VAMP4: variants seen among roughly 807,000 people sequenced by gnomAD.
VAMP4 encodes vesicle-associated membrane protein 4.
In VAMP4, 19 loss-of-function variants were observed where a neutral mutation model predicts 23.5. The ratio of observed to expected loss-of-function variants is 0.81; its 90% confidence interval spans 0.56 to 1.19. The LOEUF (loss-of-function observed/expected upper bound fraction) is 1.19, where lower values mean the gene tolerates loss of function less well. VAMP4 is among the 50% of genes most tolerant of loss of function. The pLI is 0.00. For synonymous variants in VAMP4, 31 were observed against 51.0 expected, an observed-to-expected ratio of 0.61 and a Z score of 1.67; for missense variants, 145 against 168.6, an observed-to-expected ratio of 0.86 and a Z score of 0.78.
In VAMP4 at chr1:171,700,870, T is replaced by C. The variant is rs1654406618; in HGVS notation, c.*3636A>G. ...TTATCCCCTGTAATTGGGTTGGTCATGCTTTCTTTTCAATTCCTACTGATT... is the reference window on the plus strand; with the variant it reads ...TTATCCCCTGTAATTGGGTTGGTCACGCTTTCTTTTCAATTCCTACTGATT... On this transcript the variant is annotated 3_prime_UTR_variant, in exon 8 of 8. Coordinates refer to ENST00000236192, the MANE Select transcript of VAMP4 (RefSeq NM_003762.5). 1 of 152,186 alleles carries C rather than the reference T, an allele frequency of 6.6e-6. No individual in the cohort carries two copies. The highest frequency in any genetic ancestry group is 6.5e-5 in the Admixed American group (1 of 15,272). 9.4% of individuals were successfully genotyped at this position (152,186 alleles called of 1,614,324 possible).
chr1:171,738,819 C>T (rs1655826627), intron 1 of VAMP4, among the ~76,000 whole-genome samples: 1 of 152,074 alleles, frequency 6.6e-6, no homozygotes, highest in Admixed American at 6.6e-5. Context: ...GAGAACATGC[C>T]TATTTCTCTC....
intron 2 of VAMP4, among the ~76,000 whole-genome samples, chr1:171,733,361 A>C (rs1044707141): frequency 4.0e-5 from 6 of 151,344 alleles, no homozygotes; most frequent in African/African-American, 1.5e-4. Flanking sequence ...AGCTACTCTG[A>C]AGGCTACTTG....
chr1:171,715,994 C>G (rs563692281), intron 4 of VAMP4, among the ~76,000 whole-genome samples: 1 of 152,230 alleles, frequency 6.6e-6, no homozygotes, highest in Admixed American at 6.5e-5. Flanking sequence ...GAGCAAAACC[C>G]TGTTTCAAAA....
rs926385962 is a variant in VAMP4 at position 171,728,479 on chromosome 1, T to C, written c.113+45A>G. 24 of 1,445,528 alleles carry C rather than the reference T, an allele frequency of 1.7e-5. No homozygotes were observed. In the East Asian group the frequency reaches 3.2e-4, roughly 19 times the overall value. 89.5% of individuals were successfully genotyped at this position (1,445,528 alleles called of 1,614,324 possible). On this transcript the variant is annotated intron_variant, in intron 3 of 7. Coordinates refer to ENST00000236192, the MANE Select transcript of VAMP4 (RefSeq NM_003762.5). ...AGTATATTTTAGATATATGCATGTA[T>C]TGTATGTCAATTACACCCTAATAAA... is the stretch of plus-strand genomic sequence containing the variant.
At chr1:171,726,868 G>C (rs1426096939) in intron 3 of VAMP4, among the ~76,000 whole-genome samples, 2 of 151,914 alleles carry the variant, frequency 1.3e-5, no homozygotes, top group Non-Finnish European at 2.9e-5. Context: ...AAAATGAAAG[G>C]GTTAAGTTAT....
At chr1:171,718,505 A>G (rs1655091244) in intron 4 of VAMP4, among the ~76,000 whole-genome samples, 1 of 152,176 alleles carries the variant, frequency 6.6e-6, no homozygotes, top group African/African-American at 2.4e-5. Context: ...GATATCAGAC[A>G]CATTGATTAC....
chr1:171,716,210 A>C (rs992987679), intron 4 of VAMP4, among the ~76,000 whole-genome samples: 3 of 152,150 alleles, frequency 2.0e-5, no homozygotes, highest in Non-Finnish European at 4.4e-5. Context: ...GGTCTGACCA[A>C]GACTATAATT....
chr1:171,737,354 C>A (rs1417299153), intron 2 of VAMP4, among the ~76,000 whole-genome samples: 3 of 152,086 alleles, frequency 2.0e-5, no homozygotes, highest in Non-Finnish European at 4.4e-5. Flanking sequence ...GTATTGAGTA[C>A]TTATTCTAAA....
At chr1:171,717,823 A>G (rs1238670113) in intron 4 of VAMP4, among the ~76,000 whole-genome samples, 1 of 152,148 alleles carries the variant, frequency 6.6e-6, no homozygotes, top group South Asian at 2.1e-4. Context: ...CTTTTACTAT[A>G]TAAGTAATAA....
rs1654503889 is a variant in VAMP4, at chr1:171,703,131, C to A, written c.*1375G>T. The A allele has an allele frequency of 6.6e-6, 1 of 151,340 alleles. No homozygotes were observed. Among genetic ancestry groups the A allele is most frequent in the Non-Finnish European group, 1.5e-5 (1 of 67,716 alleles). The allele number at this position is 151,340 out of a possible 1,614,324, so 9.4% of individuals were successfully genotyped here. ...TTTAAATACTGATAATTTCTATTAA[C>A]CCTATTTTTAATTTAGGGAGTTTTA... On this transcript the variant is annotated 3_prime_UTR_variant, in exon 8 of 8. Coordinates refer to ENST00000236192, the MANE Select transcript of VAMP4 (RefSeq NM_003762.5).
At chr1:171,728,672 C>T (rs1194345781) in intron 2 of VAMP4, 102 bp from the exon 3 acceptor site, 26 of 1,112,780 alleles carry the variant, frequency 2.3e-5, no homozygotes, top group South Asian at 3.7e-5. Flanking sequence ...AATTTCTTAA[C>T]TCCAGGTGTC....
chr1:171,719,674 T>A (rs1454523712), intron 3 of VAMP4, among the ~76,000 whole-genome samples: 1 of 152,062 alleles, frequency 6.6e-6, no homozygotes, highest in Non-Finnish European at 1.5e-5. Context: ...TTGACAAAGA[T>A]GGATATAGAG....
intron 2 of VAMP4, among the ~76,000 whole-genome samples, chr1:171,732,277 T>C (rs773240542): frequency 2.0e-5 from 3 of 151,746 alleles, no homozygotes; most frequent in Non-Finnish European, 4.4e-5. Flanking sequence ...TCCCAGCACT[T>C]TGGGAGGCCA....
At chr1:171,733,730 GAA>G (rs752154470) in intron 2 of VAMP4, among the ~76,000 whole-genome samples, 2 of 152,190 alleles carry the variant, frequency 1.3e-5, no homozygotes, top group Non-Finnish European at 2.9e-5. Flanking sequence ...TTGCCGGTGA[GAA>G]TGTAAAAATT....
chr1:171,718,835 G>T (rs1655099381), intron 4 of VAMP4, among the ~76,000 whole-genome samples: 1 of 152,072 alleles, frequency 6.6e-6, no homozygotes, highest in African/African-American at 2.4e-5. Flanking sequence ...ATAATTCTGA[G>T]AAAATAAAAT....
At chr1:171,709,881 CT>C (rs1654792505) in intron 5 of VAMP4, 137 bp from the exon 6 acceptor site, 5 of 639,294 alleles carry the variant, frequency 7.8e-6, no homozygotes, top group Admixed American at 2.7e-5. Flanking sequence ...AGCATTCTCC[CT>C]TTTTTCCACC....
intron 3 of VAMP4, among the ~76,000 whole-genome samples, chr1:171,725,879 C>T (rs914693015): frequency 4.6e-5 from 7 of 151,794 alleles, no homozygotes; most frequent in African/African-American, 9.7e-5. Flanking sequence ...TCAGCAGAGA[C>T]GTTTCACTGT....
At chr1:171,712,729 G>A (rs1654888983) in intron 4 of VAMP4, among the ~76,000 whole-genome samples, 1 of 152,128 alleles carries the variant, frequency 6.6e-6, no homozygotes, top group Admixed American at 6.6e-5. Flanking sequence ...AGAGTTAAAG[G>A]TGTTCATCCT....
At chr1:171,705,779 G>A (rs1014724971) in intron 7 of VAMP4, among the ~76,000 whole-genome samples, 1 of 151,818 alleles carries the variant, frequency 6.6e-6, no homozygotes, top group Non-Finnish European at 1.5e-5. Flanking sequence ...TGTAAACATA[G>A]GCAGAGGCCT....
Sources: allele counts gnomAD v4.1 joint callset (sites outside exome capture counted in the v4.1 genomes callset), GRCh38; gene constraint gnomAD v4.1.1; transcripts MANE v1.5; gene names NCBI Gene and HGNC (gene_info 2026-07-23, HGNC 2026-07-21).